IFT81: variants seen among roughly 807,000 people sequenced by gnomAD.
IFT81 encodes the protein intraflagellar transport protein 81 homolog.
IFT81 carries 72 observed loss-of-function variants against 102.6 expected under a neutral mutation model. The observed-to-expected ratio is 0.70, with a 90% CI of 0.58 to 0.85. The LOEUF (loss-of-function observed/expected upper bound fraction) is 0.85. Ranked by LOEUF, IFT81 falls within the 40% of genes least tolerant of loss-of-function variation. The probability of loss-of-function intolerance (pLI) is 0.00; values close to 1 mark genes in which losing one functional copy is unlikely to be tolerated. For synonymous variants in IFT81, 237 were observed against 242.7 expected (o/e 0.98, Z 0.22); for missense variants, 723 against 787.3 (o/e 0.92, Z 0.98).
chr12:110,170,937 CA>C (rs1217974562), intron 11 of IFT81, among the ~76,000 whole-genome samples: 1 of 152,180 alleles, frequency 6.6e-6, no homozygotes, highest in African/African-American at 2.4e-5. Flanking sequence ...CAAAGAGAAG[CA>C]CAATGAAGAT....
intron 8 of IFT81, among the ~76,000 whole-genome samples, chr12:110,140,132 T>G (rs1053000585): frequency 6.6e-6 from 1 of 152,134 alleles, no homozygotes; most frequent in Non-Finnish European, 1.5e-5. Context: ...ACTTTAAGTT[T>G]TGGGTTACAT....
chr12:110,209,091 G>T, intron 17 of IFT81, 80 bp from the exon 18 acceptor site: 1 of 744,704 alleles, frequency 1.3e-6, no homozygotes. Flanking sequence ...ATTTTAGATA[G>T]ATATATTAAT....
chr12:110,153,824 G>A (rs113167666), intron 10 of IFT81, among the ~76,000 whole-genome samples: 7,812 of 150,222 alleles, frequency 0.052, 680 homozygotes, highest in African/African-American at 0.18. Context: ...TCTACTAAAG[G>A]TCAGGGTGGT....
At chr12:110,159,465 A>G (rs1331060536) in intron 10 of IFT81, among the ~76,000 whole-genome samples, 1 of 152,176 alleles carries the variant, frequency 6.6e-6, no homozygotes, top group African/African-American at 2.4e-5. Flanking sequence ...GTCTCAAAAA[A>G]ATCTCAGGTC....
rs961857859 is a variant in IFT81 at position 110,217,930 on chromosome 12, T to C, written c.1849-114T>C. On this transcript the variant is annotated intron_variant, in intron 18 of 18. Coordinates refer to ENST00000242591, the MANE Select transcript of IFT81 (RefSeq NM_014055.4). ...TTGGTACATTATAGAGTATGTGGTT[T>C]AGCTAACTATTTTTTATCTACTGTA... 8.5e-6 allele frequency: 6 copies of C among 706,130 alleles called. No individual in the cohort carries two copies. The African/African-American group carries it at 1.1e-4, about 13-fold the overall frequency. 43.7% of individuals were successfully genotyped at this position (706,130 alleles called of 1,614,324 possible).
At chr12:110,132,658 A>G (rs1406097283) in intron 5 of IFT81, 22 bp downstream of exon 5, 4 of 1,299,236 alleles carry the variant, frequency 3.1e-6, no homozygotes, top group Non-Finnish European at 4.4e-6. Flanking sequence ...AAAACATAGT[A>G]ACAATTTTTT....
chr12:110,198,233 G>A (rs1354252310), intron 14 of IFT81, among the ~76,000 whole-genome samples: 4 of 149,962 alleles, frequency 2.7e-5, no homozygotes, highest in South Asian at 2.1e-4. Context: ...TGTGTTTAGT[G>A]TTCGCAGTAA....
chr12:110,173,017 C>T (rs1162222308), intron 11 of IFT81, among the ~76,000 whole-genome samples: 11 of 148,814 alleles, frequency 7.4e-5, no homozygotes, highest in Admixed American at 1.3e-4. Context: ...CCCGGCCAGC[C>T]GCCCCGTCCA....
At chr12:110,199,852 A>G (rs1289292585) in intron 14 of IFT81, among the ~76,000 whole-genome samples, 1 of 152,198 alleles carries the variant, frequency 6.6e-6, no homozygotes, top group African/African-American at 2.4e-5. Context: ...ACGGTCATGA[A>G]ACCAAGGTCA....
At chr12:110,152,308 C>T (rs1453856037) in intron 10 of IFT81, among the ~76,000 whole-genome samples, 5 of 152,162 alleles carry the variant, frequency 3.3e-5, no homozygotes, top group Non-Finnish European at 7.4e-5. Context: ...ACATTGTCAC[C>T]ACCACTTGTT....
At chr12:110,210,383 GACTA>G (rs937799901) in intron 18 of IFT81, among the ~76,000 whole-genome samples, 2 of 152,146 alleles carry the variant, frequency 1.3e-5, no homozygotes, top group Admixed American at 6.5e-5. Context: ...GCATAATGAA[GACTA>G]ACTGTGTTTC....
At chr12:110,186,483 T>C (rs1348628467) in intron 12 of IFT81, among the ~76,000 whole-genome samples, 1 of 151,556 alleles carries the variant, frequency 6.6e-6, no homozygotes, top group East Asian at 1.9e-4. Flanking sequence ...TGTCTTTCTT[T>C]CCTTTCTTTC....
chr12:110,159,220 G>A (rs1399020904), intron 10 of IFT81, among the ~76,000 whole-genome samples: 1 of 152,174 alleles, frequency 6.6e-6, no homozygotes, highest in Non-Finnish European at 1.5e-5. Flanking sequence ...TATAATCTCA[G>A]CACTTTGGGA....
chr12:110,127,570 T>G (rs377028691), intron 2 of IFT81, 46 bp downstream of exon 2: 72 of 1,525,742 alleles, frequency 4.7e-5, no homozygotes, highest in Non-Finnish European at 5.9e-5. Context: ...AAAGCCAATT[T>G]CTCCCTCTAA....
intron 14 of IFT81, among the ~76,000 whole-genome samples, chr12:110,203,157 T>G (rs1898384351): frequency 6.6e-6 from 1 of 152,070 alleles, no homozygotes; most frequent in African/African-American, 2.4e-5. Flanking sequence ...TCCCAGCTGC[T>G]TTGGAGTCTG....
intron 12 of IFT81, among the ~76,000 whole-genome samples, chr12:110,182,109 AG>A (rs1332823473): frequency 2.6e-5 from 4 of 152,184 alleles, no homozygotes; most frequent in Non-Finnish European, 5.9e-5. Flanking sequence ...CTCTGGAGAA[AG>A]GGGTAACTAT....
intron 3 of IFT81, 70 bp from the exon 4 acceptor site, chr12:110,128,879 GA>G: frequency 8.8e-7 from 1 of 1,139,478 alleles, no homozygotes; most frequent in Non-Finnish European, 1.3e-6. Flanking sequence ...CAGATTTTGA[GA>G]AAATGCTGTC....
At chr12:110,177,639 GTTTAT>G (rs1387485202) in intron 11 of IFT81, among the ~76,000 whole-genome samples, 1 of 152,152 alleles carries the variant, frequency 6.6e-6, no homozygotes, top group Admixed American at 6.5e-5. Flanking sequence ...GGAATTGGAA[GTTTAT>G]TTTAACGTGA....
At chr12:110,128,833 T>A (rs188200833) in intron 3 of IFT81, 117 bp from the exon 4 acceptor site, 34 of 700,798 alleles carry the variant, frequency 4.9e-5, no homozygotes, top group African/African-American at 3.4e-4. Flanking sequence ...TTATCTTTTT[T>A]AAAAAGTTAC....
Sources: gnomAD v4.1 joint callset for allele counts (sites outside exome capture counted in the v4.1 genomes callset) on GRCh38, gnomAD v4.1.1 for gene constraint, MANE v1.5 for transcripts, NCBI Gene and HGNC (gene_info 2026-07-23, HGNC 2026-07-21) for gene names.